The following CPB1 variants were observed in gnomAD, a reference collection of about 807,000 sequenced individuals.
The protein encoded by CPB1 is carboxypeptidase B1.
Under a neutral mutation model 51.4 loss-of-function variants are expected in CPB1, and 53 were observed. That is an observed-to-expected ratio of 1.03 (90% CI 0.83 to 1.30). The LOEUF (loss-of-function observed/expected upper bound fraction) is 1.30, where lower values mean the gene tolerates loss of function less well. Among genes scored for constraint, CPB1 ranks in the 50% most tolerant of loss-of-function variants. The probability of loss-of-function intolerance (pLI) is 0.00; values close to 1 mark genes in which losing one functional copy is unlikely to be tolerated. For missense variants in CPB1, 494 were observed against 516.2 expected (o/e 0.96, Z 0.42); for synonymous variants, 189 against 186.9 (o/e 1.01, Z -0.09).
chr3:148,857,412 G>C (rs763702821), intron 9 of CPB1, 45 bp from the exon 10 acceptor site: 1 of 1,438,490 alleles, frequency 7.0e-7, no homozygotes, highest in Admixed American at 1.7e-5. Flanking sequence ...TTGTTTGGCA[G>C]TGTGCTTTTA....
At chr3:148,858,880 C>G (rs1713672160) in intron 10 of CPB1, among the ~76,000 whole-genome samples, 1 of 152,228 alleles carries the variant, frequency 6.6e-6, no homozygotes, top group African/African-American at 2.4e-5. Flanking sequence ...TGACAAAAGA[C>G]CCAGTCTCAT....
intron 9 of CPB1, chr3:148,854,140 G>T (rs977167082): frequency 6.6e-6 from 1 of 152,154 alleles, no homozygotes; most frequent in Admixed American, 6.5e-5. Context: ...GCAAATGCAA[G>T]AATTACCTTT....
At chr3:148,840,634 T>C (rs1467886400) in intron 3 of CPB1, 52 bp from the exon 4 acceptor site, 6 of 1,510,740 alleles carry the variant, frequency 4.0e-6, no homozygotes, top group African/African-American at 2.7e-5. Flanking sequence ...GTGTGTTCAC[T>C]GGAGAAAAAT....
At chr3:148,854,418 T>A (rs1349893145) in intron 9 of CPB1, 1 of 152,242 alleles carries the variant, frequency 6.6e-6, no homozygotes, top group Non-Finnish European at 1.5e-5. Context: ...GTTCTGACTT[T>A]TTTTGTCTTT....
intron 10 of CPB1, among the ~76,000 whole-genome samples, chr3:148,858,355 G>T (rs1713647276): frequency 6.6e-6 from 1 of 152,056 alleles, no homozygotes; most frequent in African/African-American, 2.4e-5. Context: ...GGCAGATCCC[G>T]AGATCAGGAG....
intron 3 of CPB1, among the ~76,000 whole-genome samples, chr3:148,836,526 T>C (rs1712910877): frequency 6.6e-6 from 1 of 152,120 alleles, no homozygotes. Context: ...AACAGTAAAA[T>C]GGTTTCTGAT....
At position 148,842,144 on chromosome 3, in the gene CPB1, G is replaced by A. The variant is rs528127877; in HGVS notation, c.576+220G>A. On this transcript the variant is annotated intron_variant, in intron 6 of 10. Coordinates refer to ENST00000282957, the MANE Select transcript of CPB1 (RefSeq NM_001871.3). ...CTCATGCCTATAATCCTAGCACTTTGGGAGGCCAAAACAGGTGAATTGCTT... is the reference window on the plus strand; with the variant it reads ...CTCATGCCTATAATCCTAGCACTTTAGGAGGCCAAAACAGGTGAATTGCTT... Among the ~76,000 whole-genome samples, 172 of 152,140 alleles carry A rather than the reference G, an allele frequency of 1.1e-3. 2 individuals are homozygous for A. Among genetic ancestry groups the A allele is most frequent in the African/African-American group, 4.0e-3 (166 of 41,492 alleles).
chr3:148,841,038 A>G (rs900009483), intron 5 of CPB1, 63 bp downstream of exon 5: 7 of 1,318,852 alleles, frequency 5.3e-6, no homozygotes, highest in Non-Finnish European at 7.6e-6. Flanking sequence ...ATTCTAACAC[A>G]TGAACATCTG....
intron 9 of CPB1, among the ~76,000 whole-genome samples, chr3:148,846,303 CAT>C (rs1419386960): frequency 9.2e-5 from 14 of 152,190 alleles, no homozygotes; most frequent in East Asian, 5.8e-4. Context: ...AGAAATATCA[CAT>C]GTCAATGAAT....
At position 148,834,598 on chromosome 3, in the gene CPB1, TA is replaced by T; in HGVS notation, c.251del (p.Lys84SerfsTer10). On this transcript the variant is annotated frameshift_variant, in exon 3 of 11. Transcript: ENST00000282957. LOFTEE classifies it high-confidence loss of function. ...AEDTVTVENV[L>X]KQNELQYKVL... ...GATACTGTCACTGTGGAGAATGTTC[TA>T]AAGCAGAATGAACTACAATACAAGT... 4 of 1,611,654 alleles carry T rather than the reference TA, an allele frequency of 2.5e-6. No homozygotes were observed. The highest frequency in any genetic ancestry group is 3.4e-6 in the Non-Finnish European group (4 of 1,177,844).
At chr3:148,829,440 A>T (rs1712665525) in intron 2 of CPB1, among the ~76,000 whole-genome samples, 1 of 152,140 alleles carries the variant, frequency 6.6e-6, no homozygotes, top group Non-Finnish European at 1.5e-5. Flanking sequence ...GCTTATATTA[A>T]CCTGTGTTCA....
chr3:148,845,459 T>C lies in CPB1; in HGVS notation c.814T>C (p.Tyr272His), dbSNP rs2108016872. The C allele has an allele frequency of 1.2e-6, 2 of 1,613,904 alleles. No individual in the cohort carries two copies. The highest frequency in any genetic ancestry group is 1.7e-6 in the Non-Finnish European group (2 of 1,179,834). The stretch of plus-strand genomic sequence containing the variant: ...CTCTCGAAACCCCTGTGATGAAACT[T>C]ACTGTGGACCTGCCGCAGAGTCTGA... ...GASRNPCDET[Y>H]CGPAAESEKE... The change falls in exon 9 of 11, where the codon TAC (tyrosine) becomes CAC (histidine). Residue 272 changes from tyrosine (Y) to histidine (H), a missense_variant. By Grantham distance (83) the Tyr-to-His change is moderately conservative. Transcript: ENST00000282957.
chr3:148,830,491 G>C (rs752947698), intron 2 of CPB1, among the ~76,000 whole-genome samples: 22 of 152,114 alleles, frequency 1.4e-4, no homozygotes, highest in Non-Finnish European at 2.8e-4. Flanking sequence ...ATTGTTGTGA[G>C]AGGTAAATGA....
chr3:148,846,818 T>TA, intron 9 of CPB1, among the ~76,000 whole-genome samples: 1 of 104,922 alleles, frequency 9.5e-6, no homozygotes, highest in South Asian at 3.0e-4. Flanking sequence ...TATATATATA[T>TA]ATATATATAT....
At chr3:148,832,803 G>A (rs1712781006) in intron 2 of CPB1, among the ~76,000 whole-genome samples, 1 of 152,162 alleles carries the variant, frequency 6.6e-6, no homozygotes, top group Admixed American at 6.5e-5. Context: ...CAGGTACAGA[G>A]AGGCAGATCT....
At chr3:148,833,106 C>T (rs1291807763) in intron 2 of CPB1, among the ~76,000 whole-genome samples, 2 of 152,150 alleles carry the variant, frequency 1.3e-5, no homozygotes, top group South Asian at 2.1e-4. Flanking sequence ...GTCACCAGCC[C>T]CTTGCTTTCT....
At chr3:148,848,409 T>A (rs571919367) in intron 9 of CPB1, among the ~76,000 whole-genome samples, 1 of 152,244 alleles carries the variant, frequency 6.6e-6, no homozygotes, top group East Asian at 1.9e-4. Context: ...ATTTCTTGCA[T>A]CATACCACAT....
chr3:148,858,573 A>G (rs1408863495), intron 10 of CPB1, among the ~76,000 whole-genome samples: 1 of 146,132 alleles, frequency 6.8e-6, no homozygotes, highest in Non-Finnish European at 1.5e-5. Context: ...ACTCCATCTC[A>G]AAAAAAAAAA....
At position 148,845,447 on chromosome 3, in the gene CPB1, T is replaced by C; in HGVS notation, c.802T>C (p.Cys268Arg). The change falls in exon 9 of 11, where the codon TGT becomes CGT. Residue 268 changes from cysteine (C) to arginine (R), a missense_variant. Transcript: ENST00000282957. ...WCEIGASRNP[C>R]DETYCGPAAE... ...AGAAATTGGAGCCTCTCGAAACCCC[T>C]GTGATGAAACTTACTGTGGACCTGC... 6.2e-7 allele frequency: 1 copy of C among 1,613,864 alleles called. No individual in the cohort carries two copies. The highest frequency in any genetic ancestry group is 8.5e-7 in the Non-Finnish European group (1 of 1,179,828).
Sources: allele counts gnomAD v4.1 joint callset (sites outside exome capture counted in the v4.1 genomes callset), GRCh38; gene constraint gnomAD v4.1.1; transcripts MANE v1.5; gene names NCBI Gene and HGNC (gene_info 2026-07-23, HGNC 2026-07-21).